HCRTR2: variants seen among roughly 807,000 people sequenced by gnomAD.
HCRTR2 encodes the protein hypocretin receptor 2.
HCRTR2 carries 22 observed loss-of-function variants against 49.0 expected under a neutral mutation model. The ratio of observed to expected loss-of-function variants is 0.45; its 90% CI spans 0.32 to 0.64. The LOEUF (loss-of-function observed/expected upper bound fraction) is 0.64. Among genes scored for constraint, HCRTR2 ranks in the 30% least tolerant of loss-of-function variants. The probability of loss-of-function intolerance (pLI) is 0.04; values close to 1 mark genes in which losing one functional copy is unlikely to be tolerated. For missense variants in HCRTR2, 491 were observed against 559.4 expected (o/e 0.88, Z 1.23); for synonymous variants, 236 against 205.3 (o/e 1.15, Z -1.28).
At chr6:55,272,408 T>G (rs1766989862) in intron 4 of HCRTR2, among the ~76,000 whole-genome samples, 1 of 152,126 alleles carries the variant, frequency 6.6e-6, no homozygotes, top group African/African-American at 2.4e-5. Context: ...TTGGAGGTGA[T>G]GAAAATGTTC....
chr6:55,266,841 T>G (rs1180020582), intron 4 of HCRTR2, among the ~76,000 whole-genome samples: 1 of 152,124 alleles, frequency 6.6e-6, no homozygotes, highest in Non-Finnish European at 1.5e-5. Flanking sequence ...CATTTTAATT[T>G]TCCACCATTT....
Position 55,124,974 on chromosome 6 carries a change from C to T in HCRTR2, c.-378+18429C>T, listed in dbSNP as rs1384450296. ...ACTTTCCATGTGCTTGGTAAATAAT[C>T]CTCCAAACCTTTATTTTGAGCCTAT... On this transcript the variant is annotated intron_variant, in intron 1 of 7. Coordinates refer to the HCRTR2 transcript ENST00000615358. Among the ~76,000 whole-genome samples the T allele has an allele frequency of 2.0e-5, 3 of 150,320 alleles. No individual in the cohort carries two copies. In the East Asian group the frequency reaches 5.9e-4, roughly 30 times the overall value.
intron 3 of HCRTR2, among the ~76,000 whole-genome samples, chr6:55,255,995 A>G (rs1277106104): frequency 6.6e-6 from 1 of 152,180 alleles, no homozygotes; most frequent in African/African-American, 2.4e-5. Context: ...TCTGACAAGT[A>G]TGATGTGAAA....
intron 1 of HCRTR2, among the ~76,000 whole-genome samples, chr6:55,208,961 C>T (rs1300284955): frequency 6.6e-6 from 1 of 152,100 alleles, no homozygotes; most frequent in African/African-American, 2.4e-5. Flanking sequence ...GTATGAAGTA[C>T]TGAAAAATAT....
chr6:55,270,895 A>C (rs1330901054), intron 4 of HCRTR2, among the ~76,000 whole-genome samples: 1 of 152,200 alleles, frequency 6.6e-6, no homozygotes, highest in Non-Finnish European at 1.5e-5. Context: ...AAAAAACTTA[A>C]AGAAGGACTA....
intron 1 of HCRTR2, among the ~76,000 whole-genome samples, chr6:55,127,371 C>T (rs907919252): frequency 5.9e-5 from 9 of 152,080 alleles, no homozygotes; most frequent in African/African-American, 1.9e-4. Flanking sequence ...GACACTCCAC[C>T]CTGCTTCAGC....
intron 1 of HCRTR2, among the ~76,000 whole-genome samples, chr6:55,112,504 C>T (rs957340479): frequency 6.9e-6 from 1 of 145,270 alleles, no homozygotes; most frequent in Non-Finnish European, 1.5e-5. Flanking sequence ...CTAACACGAC[C>T]AAGCTGAGTC....
At chr6:55,226,710 T>TG (rs1451981198) in intron 1 of HCRTR2, among the ~76,000 whole-genome samples, 4 of 127,462 alleles carry the variant, frequency 3.1e-5, no homozygotes, top group East Asian at 2.4e-4. Context: ...AAATTCCAGG[T>TG]GTTTTTTTTT....
intron 4 of HCRTR2, among the ~76,000 whole-genome samples, chr6:55,271,442 C>T (rs1333035640): frequency 6.6e-6 from 1 of 151,980 alleles, no homozygotes; most frequent in Non-Finnish European, 1.5e-5. Flanking sequence ...TAGAAGAAAA[C>T]ACAGAAGAAA....
intron 1 of HCRTR2, among the ~76,000 whole-genome samples, chr6:55,150,203 A>G (rs1764645611): frequency 1.3e-5 from 2 of 152,034 alleles, no homozygotes; most frequent in Non-Finnish European, 2.9e-5. Context: ...TATACAATGT[A>G]TACAACTTGA....
intron 3 of HCRTR2, among the ~76,000 whole-genome samples, chr6:55,258,440 CTCTG>C (rs149661721): frequency 0.022 from 3,396 of 152,058 alleles, 136 homozygotes; most frequent in African/African-American, 0.077. Context: ...TAACTGAGAA[CTCTG>C]TCTAACTAAA....
At chr6:55,170,627 A>T (rs186478455), upstream of HCRTR2, among the ~76,000 whole-genome samples, 1 of 152,090 alleles carries the variant, frequency 6.6e-6, no homozygotes, top group Admixed American at 6.6e-5. Flanking sequence ...GTACATGTGC[A>T]CAACGTGCAG....
intron 4 of HCRTR2, among the ~76,000 whole-genome samples, chr6:55,271,689 A>G (rs1215074631): frequency 6.6e-6 from 1 of 152,120 alleles, no homozygotes; most frequent in South Asian, 2.1e-4. Flanking sequence ...TTAATAATTT[A>G]AAAAAATTAC....
intron 1 of HCRTR2, among the ~76,000 whole-genome samples, chr6:55,222,841 A>G (rs1581839341): frequency 6.6e-6 from 1 of 152,186 alleles, no homozygotes; most frequent in African/African-American, 2.4e-5. Flanking sequence ...AAGATGAAAA[A>G]GCTCTAAAGA....
intron 1 of HCRTR2, among the ~76,000 whole-genome samples, chr6:55,195,822 GC>G (rs1472233906): frequency 6.6e-6 from 1 of 151,994 alleles, no homozygotes; most frequent in Non-Finnish European, 1.5e-5. Context: ...CAAAAAATTA[GC>G]CGGGTGTGGT....
At chr6:55,111,244 G>A (rs972619971) in intron 1 of HCRTR2, among the ~76,000 whole-genome samples, 2 of 151,710 alleles carry the variant, frequency 1.3e-5, no homozygotes, top group African/African-American at 4.8e-5. Flanking sequence ...GACAATCTAA[G>A]GTTACACCTC....
Position 55,255,222 on chromosome 6 carries a change from G to A in HCRTR2, c.489G>A (p.Lys163=), listed in dbSNP as rs200445620. 7.4e-6 allele frequency: 12 copies of A among 1,613,836 alleles called. No individual in the cohort carries two copies. The African/African-American group carries it at 1.3e-4, about 18-fold the overall frequency. ...WYAICHPLMF[K]STAKRARNSI... is the part of the protein sequence containing the mutation. ...CAATCTGTCACCCTTTGATGTTTAAGAGCACAGCAAAGCGGGCCCGTAACA... is the reference window on the plus strand; with the variant it reads ...CAATCTGTCACCCTTTGATGTTTAAAAGCACAGCAAAGCGGGCCCGTAACA... The change falls in exon 3 of 7, where the codon AAG becomes AAA. Residue 163 remains lysine (K), a synonymous_variant. Transcript: ENST00000370862.
chr6:55,159,018 C>T lies in HCRTR2; in HGVS notation c.-377-15193C>T, dbSNP rs139811904. Among the ~76,000 whole-genome samples, 876 of 152,214 alleles carry T rather than the reference C, an allele frequency of 5.8e-3. 7 individuals carry two copies. Among genetic ancestry groups the T allele is most frequent in the African/African-American group, 0.02 (829 of 41,540 alleles). ...CCTGTGTCTCCAGACTGGGAGACAC[C>T]GCACAGCAAGGGTCGACAGACACCT... On this transcript the variant is annotated intron_variant, in intron 1 of 7. Transcript: ENST00000615358.
At chr6:55,229,385 A>T (rs1156555421) in intron 1 of HCRTR2, among the ~76,000 whole-genome samples, 1 of 152,170 alleles carries the variant, frequency 6.6e-6, no homozygotes, top group Admixed American at 6.5e-5. Flanking sequence ...TGAGCCAGCA[A>T]TTCCATTTTT....
Sources: gnomAD v4.1 joint callset for allele counts (sites outside exome capture counted in the v4.1 genomes callset) on GRCh38, gnomAD v4.1.1 for gene constraint, MANE v1.5 for transcripts, NCBI Gene and HGNC (gene_info 2026-07-23, HGNC 2026-07-21) for gene names.